Variants in KMT2C observed in about 807,000 individuals in gnomAD.
KMT2C encodes lysine methyltransferase 2C.
KMT2C carries 88 observed loss-of-function variants against 507.9 expected under a neutral mutation model. That is an observed-to-expected ratio of 0.17 (90% CI 0.15 to 0.21). The LOEUF (loss-of-function observed/expected upper bound fraction) is 0.21. Ranked by LOEUF, KMT2C falls within the 10% of genes least tolerant of loss-of-function variation. The pLI, the probability that KMT2C is intolerant of heterozygous loss-of-function variation, is 1.00. For synonymous variants in KMT2C, 2,049 were observed against 2,080.8 expected (o/e 0.98, Z 0.42); for missense variants, 4,954 against 5,957.8 (o/e 0.83, Z 5.55).
intron 9 of KMT2C, among the ~76,000 whole-genome samples, chr7:152,257,003 G>A (rs1317527319): frequency 2.0e-5 from 3 of 152,090 alleles, no homozygotes; most frequent in South Asian, 4.1e-4. Context: ...CTACTTCTAG[G>A]AATTTACCCT....
intron 1 of KMT2C, among the ~76,000 whole-genome samples, chr7:152,361,045 G>A (rs2097193079): frequency 6.6e-6 from 1 of 152,086 alleles, no homozygotes; most frequent in South Asian, 2.1e-4. Context: ...CAGAATGCCA[G>A]GATGATTCAA....
rs34263222 is a variant in KMT2C at position 152,322,058 on chromosome 7, C to CA, written c.390-6721dup. Among the ~76,000 whole-genome samples, 805 of 137,796 alleles carry CA rather than the reference C, an allele frequency of 5.8e-3. 5 individuals carry two copies. The highest frequency in any genetic ancestry group is 0.01 in the Admixed American group (139 of 13,824). The allele number at this position is 137,796 out of a possible 152,430, so 90.4% of individuals were successfully genotyped here. ...AATCAAAATAGTATGGTACTGGCAC[C>CA]AAAAAAAAAAAAACCATACATCTGG... On this transcript the variant is annotated intron_variant, in intron 3 of 58. Transcript: ENST00000262189.
chr7:152,231,832 T>C (rs1160211866), intron 16 of KMT2C, among the ~76,000 whole-genome samples: 1 of 151,766 alleles, frequency 6.6e-6, no homozygotes, highest in Non-Finnish European at 1.5e-5. Context: ...ACAGAAGGAC[T>C]ACATCTCAGT....
At chr7:152,323,818 G>A (rs1563860833) in intron 3 of KMT2C, among the ~76,000 whole-genome samples, 1 of 146,608 alleles carries the variant, frequency 6.8e-6, no homozygotes, top group African/African-American at 2.6e-5. Context: ...GGGAGGGGAA[G>A]GGGATTAAGG....
At chr7:152,260,447 G>T (rs2095749683) in intron 9 of KMT2C, among the ~76,000 whole-genome samples, 1 of 152,140 alleles carries the variant, frequency 6.6e-6, no homozygotes, top group African/African-American at 2.4e-5. Context: ...GATATTATTA[G>T]AGAGTGTAAA....
Position 152,195,946 on chromosome 7 carries a change from T to C in KMT2C, c.4339A>G (p.Ile1447Val). The C allele has an allele frequency of 1.2e-6, 2 of 1,609,856 alleles. No homozygotes were observed. Among genetic ancestry groups the C allele is most frequent in the Non-Finnish European group, 1.7e-6 (2 of 1,176,892 alleles). Residue 1447 changes from isoleucine to valine, a missense_variant, in exon 28 of 59, where the codon ATA (isoleucine) becomes GTA (valine). Coordinates refer to ENST00000262189, the MANE Select transcript of KMT2C (RefSeq NM_170606.3). The part of the protein sequence containing the change: ...VLNTDDDILG[I>V]ISDDLAKSVD... ...GATTTTGCTAGATCATCTGAAATTA[T>C]TCCAAGAATGTCATCATCTGTGTTT...
At position 152,135,728 on chromosome 7, in the gene KMT2C, A is replaced by C. The variant is rs2089823204; in HGVS notation, c.*1104T>G. Reference sequence around the variant, plus strand: ...TTATCACAAATTGTAAGCACAAAAAAACCTGACTGAAGAAGTAGGGATGCA... The same window carrying C: ...TTATCACAAATTGTAAGCACAAAAACACCTGACTGAAGAAGTAGGGATGCA... On this transcript the variant is annotated 3_prime_UTR_variant, in exon 59 of 59. Coordinates refer to ENST00000262189, the MANE Select transcript of KMT2C (RefSeq NM_170606.3). The C allele has an allele frequency of 4.4e-6, 1 of 227,630 alleles. No homozygotes were observed. Among genetic ancestry groups the C allele is most frequent in the South Asian group, 1.8e-4 (1 of 5,484 alleles). 14.1% of individuals were successfully genotyped at this position (227,630 alleles called of 1,614,324 possible).
At chr7:152,196,764 A>C (rs1466203350) in intron 27 of KMT2C, among the ~76,000 whole-genome samples, 1 of 152,252 alleles carries the variant, frequency 6.6e-6, no homozygotes, top group Non-Finnish European at 1.5e-5. Flanking sequence ...TTAGGAGATG[A>C]CTGAGCATAA....
Position 152,158,948 on chromosome 7 carries a change from G to T in KMT2C, c.11585C>A (p.Ala3862Glu). The T allele has an allele frequency of 1.2e-6, 2 of 1,614,154 alleles. No individual in the cohort carries two copies. The highest frequency in any genetic ancestry group is 1.7e-6 in the Non-Finnish European group (2 of 1,180,018). ...CTTTTTCCTTTTCTTTGAGCGAGGTGCTGCTTTCTCACCCGTCCTCTGAGT... is the reference window on the plus strand; with the variant it reads ...CTTTTTCCTTTTCTTTGAGCGAGGTTCTGCTTTCTCACCCGTCCTCTGAGT... ...KRTQRTGEKA[A>E]PRSKKRKKDE... is the part of the protein sequence containing the mutation. The change falls in exon 44 of 59, where the codon GCA becomes GAA. Residue 3862 changes from alanine (A) to glutamate (E), a missense_variant. By Grantham distance (107) the Ala-to-Glu change is moderately radical. Coordinates refer to ENST00000262189, the MANE Select transcript of KMT2C (RefSeq NM_170606.3).
At chr7:152,368,875 G>C (rs2097268956) in intron 1 of KMT2C, among the ~76,000 whole-genome samples, 1 of 152,116 alleles carries the variant, frequency 6.6e-6, no homozygotes, top group Non-Finnish European at 1.5e-5. Flanking sequence ...ACAGCTCTAA[G>C]TACCTTTCCT....
chr7:152,172,131 T>G (rs1181455302), intron 39 of KMT2C, among the ~76,000 whole-genome samples: 3 of 152,208 alleles, frequency 2.0e-5, no homozygotes, highest in Non-Finnish European at 4.4e-5. Flanking sequence ...TTTAAATTTT[T>G]TACTCAGGTT....
chr7:152,421,004 G>T (rs1313189533), intron 1 of KMT2C, among the ~76,000 whole-genome samples: 2 of 150,620 alleles, frequency 1.3e-5, no homozygotes, highest in African/African-American at 4.9e-5. Context: ...ATGTACCCTA[G>T]AATTTAAAGT....
intron 6 of KMT2C, among the ~76,000 whole-genome samples, chr7:152,296,976 C>T (rs1237363270): frequency 1.9e-5 from 1 of 52,682 alleles, no homozygotes; most frequent in Non-Finnish European, 4.4e-5. Context: ...CCCATCACCA[C>T]TAAAAAGAAA....
chr7:152,353,340 C>T (rs1026142410), intron 2 of KMT2C, among the ~76,000 whole-genome samples: 3 of 152,148 alleles, frequency 2.0e-5, no homozygotes, highest in Non-Finnish European at 4.4e-5. Flanking sequence ...CAGAGAATTG[C>T]TTGAACCCGG....
At chr7:152,176,167 G>A (rs186442840) in intron 38 of KMT2C, 24 bp downstream of exon 38, 19 of 1,562,510 alleles carry the variant, frequency 1.2e-5, no homozygotes, top group African/African-American at 4.1e-5. Context: ...AGTAATATAC[G>A]TTGAGACTCA....
At chr7:152,159,168 G>A in intron 43 of KMT2C, 96 bp from the exon 44 acceptor site, 1 of 976,682 alleles carries the variant, frequency 1.0e-6, no homozygotes, top group South Asian at 1.4e-5. Context: ...ATCCTAACAT[G>A]GCACTAAAAG....
In KMT2C at chr7:152,163,768, T is replaced by C. The variant is rs769385054; in HGVS notation, c.9809A>G (p.Gln3270Arg). 1 of 1,614,210 alleles carries C rather than the reference T, an allele frequency of 6.2e-7. No homozygotes were observed. The highest frequency in any genetic ancestry group is 1.7e-5 in the Admixed American group (1 of 60,028). Residue 3270 changes from glutamine (Q) to arginine (R), a missense_variant, in exon 43 of 59, where the codon CAG becomes CGG. Around this residue, in one of 29 missense-constraint regions of KMT2C, gnomAD observed 801 missense variants for 751.2 expected, o/e 1.07. Coordinates refer to ENST00000262189, the MANE Select transcript of KMT2C (RefSeq NM_170606.3). ...ELIEDYRIKQ[Q>R]QQCAMAPPTM... ...AGGTGGGGCCATTGCACATTGCTGC[T>C]GCTGTTTGATCCGATAATCTTCAAT...
chr7:152,147,905 T>C, intron 52 of KMT2C, 128 bp downstream of exon 52: 1 of 1,026,440 alleles, frequency 9.7e-7, no homozygotes, highest in Non-Finnish European at 1.4e-6. Flanking sequence ...TTGGCATTTG[T>C]AAATGAAAAA....
chr7:152,167,069 G>C (rs903594630), intron 42 of KMT2C, 77 bp downstream of exon 42: 5 of 1,188,186 alleles, frequency 4.2e-6, no homozygotes, highest in Non-Finnish European at 6.1e-6. Flanking sequence ...ACTAGTCAAA[G>C]TCACTAATGA....
Sources: allele counts gnomAD v4.1 joint callset (sites outside exome capture counted in the v4.1 genomes callset), GRCh38; gene constraint gnomAD v4.1.1; regional missense constraint gnomAD v4.1.1; transcripts MANE v1.5; gene names NCBI Gene and HGNC (gene_info 2026-07-23, HGNC 2026-07-21).